The following CDK19 variants were observed in gnomAD, a reference collection of about 807,000 sequenced individuals.
The protein encoded by CDK19 is cyclin-dependent kinase 19.
In CDK19, 20 loss-of-function variants were observed where a neutral mutation model predicts 68.3. The observed-to-expected ratio is 0.29, with a 90% CI of 0.21 to 0.43. The LOEUF (loss-of-function observed/expected upper bound fraction) is 0.43, where lower values mean the gene tolerates loss of function less well. Ranked by LOEUF, CDK19 falls within the 20% of genes least tolerant of loss-of-function variation. The pLI is 1.00. For synonymous variants in CDK19, 221 were observed against 222.8 expected (o/e 0.99, Z 0.07); for missense variants, 339 against 623.5 (o/e 0.54, Z 4.86).
At chr6:110,803,080 C>CT (rs894372415) in intron 1 of CDK19, among the ~76,000 whole-genome samples, 66 of 147,132 alleles carry the variant, frequency 4.5e-4, no homozygotes, top group South Asian at 6.5e-4. Context: ...AAGGCTTTGA[C>CT]TTTTTTTTTT....
At chr6:110,720,728 G>A (rs1246795495) in intron 2 of CDK19, among the ~76,000 whole-genome samples, 1 of 151,910 alleles carries the variant, frequency 6.6e-6, no homozygotes, top group African/African-American at 2.4e-5. Context: ...TTAGCAGGGT[G>A]TGGTGGTGCA....
intron 1 of CDK19, among the ~76,000 whole-genome samples, chr6:110,763,389 T>C (rs892160169): frequency 1.3e-5 from 2 of 151,578 alleles, no homozygotes; most frequent in South Asian, 2.1e-4. Context: ...AAAGCAAAGA[T>C]GTCTGCTCTC....
intron 1 of CDK19, among the ~76,000 whole-genome samples, chr6:110,779,571 T>C (rs1489777068): frequency 6.6e-6 from 1 of 152,102 alleles, no homozygotes; most frequent in Non-Finnish European, 1.5e-5. Flanking sequence ...AAGAACTCAA[T>C]AAATGTTAGA....
At chr6:110,743,534 T>C (rs1027843632) in intron 2 of CDK19, among the ~76,000 whole-genome samples, 1 of 151,964 alleles carries the variant, frequency 6.6e-6, no homozygotes, top group African/African-American at 2.4e-5. Context: ...CCCAGTTATT[T>C]GGGAGGCTGA....
At chr6:110,654,650 AAAG>A (rs1781185894) in intron 4 of CDK19, among the ~76,000 whole-genome samples, 1 of 152,230 alleles carries the variant, frequency 6.6e-6, no homozygotes, top group Admixed American at 6.5e-5. Context: ...CCCAATTTGA[AAAG>A]AAGATGGCTG....
At chr6:110,707,230 G>A (rs967163979) in intron 2 of CDK19, among the ~76,000 whole-genome samples, 37 of 152,140 alleles carry the variant, frequency 2.4e-4, no homozygotes, top group African/African-American at 8.9e-4. Flanking sequence ...CAGCTACCTG[G>A]GAGGTTGAGG....
chr6:110,733,502 T>C (rs1317254237), intron 2 of CDK19, among the ~76,000 whole-genome samples: 1 of 152,182 alleles, frequency 6.6e-6, no homozygotes, highest in South Asian at 2.1e-4. Flanking sequence ...AATAGGTATA[T>C]GTATAAATTC....
At chr6:110,705,058 T>TTGG (rs1774331988) in intron 2 of CDK19, among the ~76,000 whole-genome samples, 1 of 144,634 alleles carries the variant, frequency 6.9e-6, no homozygotes. Context: ...TTTTTTTTTT[T>TTGG]GGAGATGGAG....
At position 110,735,238 on chromosome 6, in the gene CDK19, C is replaced by T. The variant is rs1383472080; in HGVS notation, c.204+10888G>A. Among the ~76,000 whole-genome samples, 8 of 151,754 alleles carry T rather than the reference C, an allele frequency of 5.3e-5. No individual in the cohort carries two copies. In the East Asian group the frequency reaches 1.2e-3, roughly 22 times the overall value. On this transcript the variant is annotated intron_variant, in intron 2 of 12. Transcript: ENST00000368911. ...CTGGGTTTACAGGCATCAGCCACCA[C>T]GCCCAGCACACAAATTTTAATTTTA...
At chr6:110,721,266 A>G (rs993681182) in intron 2 of CDK19, among the ~76,000 whole-genome samples, 1 of 152,052 alleles carries the variant, frequency 6.6e-6, no homozygotes, top group African/African-American at 2.4e-5. Flanking sequence ...TTAATTAATT[A>G]ATTAATAAAA....
chr6:110,752,060 A>C (rs566746188), intron 1 of CDK19, among the ~76,000 whole-genome samples: 1 of 152,198 alleles, frequency 6.6e-6, no homozygotes, highest in South Asian at 2.1e-4. Flanking sequence ...GAAATAACAA[A>C]AAAAAAAAGA....
intron 1 of CDK19, among the ~76,000 whole-genome samples, chr6:110,780,235 C>T (rs1270538326): frequency 1.4e-5 from 2 of 145,802 alleles, no homozygotes; most frequent in South Asian, 2.2e-4. Context: ...AAAAAAAATA[C>T]AAAAATTAGC....
chr6:110,780,388 CA>C (rs57316757), intron 1 of CDK19, among the ~76,000 whole-genome samples: 10,979 of 67,124 alleles, frequency 0.16, 537 homozygotes, highest in East Asian at 0.38. Flanking sequence ...CACTCTGTCT[CA>C]AAAAAAAAAA....
At chr6:110,629,365 C>T (rs576868432) in intron 6 of CDK19, among the ~76,000 whole-genome samples, 62 of 152,256 alleles carry the variant, frequency 4.1e-4, no homozygotes, top group South Asian at 1.0e-3. Context: ...AACACACCTG[C>T]CCCAACACTG....
At chr6:110,730,063 T>A (rs975924841) in intron 2 of CDK19, among the ~76,000 whole-genome samples, 3 of 152,176 alleles carry the variant, frequency 2.0e-5, no homozygotes, top group Non-Finnish European at 4.4e-5. Context: ...AAAATAAGCC[T>A]TGCTGTAGTT....
chr6:110,811,984 G>A (rs1350056060), intron 1 of CDK19, among the ~76,000 whole-genome samples: 1 of 151,326 alleles, frequency 6.6e-6, no homozygotes, highest in Non-Finnish European at 1.5e-5. Context: ...GATCACTTGA[G>A]CCCAGGAGTT....
intron 1 of CDK19, among the ~76,000 whole-genome samples, chr6:110,796,706 T>G (rs1236284202): frequency 6.6e-6 from 1 of 151,162 alleles, no homozygotes; most frequent in Non-Finnish European, 1.5e-5. Flanking sequence ...GCCTCAGCTG[T>G]GAGAAAAAAT....
chr6:110,722,962 G>A (rs1344363264), intron 2 of CDK19, among the ~76,000 whole-genome samples: 3 of 151,976 alleles, frequency 2.0e-5, no homozygotes, highest in Non-Finnish European at 2.9e-5. Flanking sequence ...TATTGTGACA[G>A]AATGTCTTTT....
At chr6:110,694,777 G>A (rs1370609784) in intron 2 of CDK19, among the ~76,000 whole-genome samples, 1 of 152,146 alleles carries the variant, frequency 6.6e-6, no homozygotes, top group African/African-American at 2.4e-5. Flanking sequence ...GTAAATTTAA[G>A]GAAATCGAAA....
Sources: allele counts gnomAD v4.1 joint callset (sites outside exome capture counted in the v4.1 genomes callset), GRCh38; gene constraint gnomAD v4.1.1; transcripts MANE v1.5; gene names NCBI Gene and HGNC (gene_info 2026-07-23, HGNC 2026-07-21).